The following UBE2U variants were observed in gnomAD, a reference collection of about 807,000 sequenced individuals.
UBE2U encodes the protein ubiquitin conjugating enzyme E2 U.
In UBE2U, 39 loss-of-function variants were observed where a neutral mutation model predicts 41.2. The observed-to-expected ratio is 0.95, with a 90% confidence interval of 0.73 to 1.24. UBE2U has a LOEUF of 1.24. Among genes scored for constraint, UBE2U ranks in the 50% most tolerant of loss-of-function variants. The pLI is 0.00. For missense variants in UBE2U, 336 were observed against 363.1 expected (o/e 0.93, Z 0.61); for synonymous variants, 107 against 117.8 (o/e 0.91, Z 0.60).
chr1:64,211,872 C>A, intron 4 of UBE2U, among the ~76,000 whole-genome samples: 1 of 152,112 alleles, frequency 6.6e-6, no homozygotes, highest in South Asian at 2.1e-4. Flanking sequence ...TACTTATCAC[C>A]AATAATATCT....
intron 3 of UBE2U, among the ~76,000 whole-genome samples, chr1:64,209,811 T>A (rs1412408666): frequency 1.3e-5 from 2 of 152,130 alleles, no homozygotes; most frequent in African/African-American, 2.4e-5. Context: ...CACCTTCCAA[T>A]TCTGGCCATT....
At chr1:64,228,208 G>A (rs935246355) in intron 6 of UBE2U, among the ~76,000 whole-genome samples, 2 of 152,044 alleles carry the variant, frequency 1.3e-5, no homozygotes, top group African/African-American at 4.8e-5. Flanking sequence ...GATCTTTTTA[G>A]GTCAAATTCG....
At chr1:64,208,603 C>CAAAAAAAAAAA (rs56972795) in intron 3 of UBE2U, among the ~76,000 whole-genome samples, 6 of 36,506 alleles carry the variant, frequency 1.6e-4, no homozygotes, top group African/African-American at 2.5e-4. Flanking sequence ...GACGCTGTCT[C>CAAAAAAAAAAA]AAAAAAAAAA....
intron 6 of UBE2U, among the ~76,000 whole-genome samples, chr1:64,223,326 C>T (rs1461110314): frequency 6.6e-6 from 1 of 152,128 alleles, no homozygotes; most frequent in Non-Finnish European, 1.5e-5. Context: ...GAAAGGGAGA[C>T]AGTGCAAGAA....
Position 64,203,800 on chromosome 1 carries a change from T to C in UBE2U, c.-251T>C. 2.6e-6 allele frequency: 1 copy of C among 385,442 alleles called. No homozygotes were observed. The highest frequency in any genetic ancestry group is 3.8e-5 in the East Asian group (1 of 26,082). 23.9% of individuals were successfully genotyped at this position (385,442 alleles called of 1,614,324 possible). ...ACTGGGCTGTGAGCCGGCACTGCAGTGAAACGCCGCAGATGAGGAAGTGCC... is the reference window on the plus strand; with the variant it reads ...ACTGGGCTGTGAGCCGGCACTGCAGCGAAACGCCGCAGATGAGGAAGTGCC... On this transcript the variant is annotated 5_prime_UTR_variant, in exon 1 of 10. Coordinates refer to ENST00000371077, the MANE Select transcript of UBE2U (RefSeq NM_001366232.2).
chr1:64,251,108 C>G (rs190372991), intron 8 of UBE2U, among the ~76,000 whole-genome samples: 14 of 151,062 alleles, frequency 9.3e-5, no homozygotes, highest in Admixed American at 6.6e-4. Context: ...CCCCGCCCCC[C>G]CAAAAAAAGA....
chr1:64,260,608 C>G lies in UBE2U; in HGVS notation c.683C>G (p.Ser228Cys). Reference sequence around the variant, plus strand: ...TTTTCTTTTTCTCTTTCTAGGTATTCCGTTATCAAGTGTTGGCTTGCTAGA... The same window carrying G: ...TTTTCTTTTTCTCTTTCTAGGTATTGCGTTATCAAGTGTTGGCTTGCTAGA... Reference protein sequence around the residue: ...QHQKEWNLKYSVIKCWLARKR... With the variant: ...QHQKEWNLKYCVIKCWLARKR... The change falls in exon 9 of 10, where the codon TCC (serine) becomes TGC (cysteine). Residue 228 changes from serine to cysteine, a missense_variant. Coordinates refer to ENST00000371077, the MANE Select transcript of UBE2U (RefSeq NM_001366232.2). 6.5e-7 allele frequency: 1 copy of G among 1,547,642 alleles called. No individual in the cohort carries two copies. Among genetic ancestry groups the G allele is most frequent in the Non-Finnish European group, 8.7e-7 (1 of 1,146,144 alleles).
intron 8 of UBE2U, among the ~76,000 whole-genome samples, chr1:64,256,530 A>G (rs1645094398): frequency 6.6e-6 from 1 of 152,190 alleles, no homozygotes; most frequent in Non-Finnish European, 1.5e-5. Flanking sequence ...AGAATTCCCT[A>G]TTTAATAAAT....
At chr1:64,239,168 A>AGAAGAAGAG (rs1644777426) in intron 7 of UBE2U, among the ~76,000 whole-genome samples, 23 of 72,322 alleles carry the variant, frequency 3.2e-4, no homozygotes, top group Middle Eastern at 7.5e-3. Flanking sequence ...AAGAAGAAGA[A>AGAAGAAGAG]GAAGAAGAAG....
chr1:64,239,098 A>AGAAGAAGAAGAAGAAG (rs1644740854), intron 7 of UBE2U, among the ~76,000 whole-genome samples: 1 of 26,106 alleles, frequency 3.8e-5, no homozygotes, highest in African/African-American at 1.4e-4. Flanking sequence ...AAGAGGAAGA[A>AGAAGAAGAAGAAGAAG]GAAGAAGAAG....
intron 7 of UBE2U, among the ~76,000 whole-genome samples, chr1:64,238,883 A>G (rs1644721096): frequency 6.6e-6 from 1 of 151,668 alleles, no homozygotes; most frequent in African/African-American, 2.4e-5. Flanking sequence ...CTCTACGAAA[A>G]AGTTAAAAAT....
intron 6 of UBE2U, among the ~76,000 whole-genome samples, chr1:64,229,356 G>A (rs756832289): frequency 3.9e-5 from 6 of 152,110 alleles, no homozygotes; most frequent in Non-Finnish European, 8.8e-5. Flanking sequence ...GAAATGATGA[G>A]GTACTTATCA....
chr1:64,253,128 C>A (rs534551864), intron 8 of UBE2U, among the ~76,000 whole-genome samples: 1 of 152,176 alleles, frequency 6.6e-6, no homozygotes, highest in Non-Finnish European at 1.5e-5. Flanking sequence ...TCACAAGTAT[C>A]AATAGCAGAA....
At chr1:64,244,945 T>C (rs1195668347) in intron 8 of UBE2U, among the ~76,000 whole-genome samples, 1 of 152,166 alleles carries the variant, frequency 6.6e-6, no homozygotes, top group Admixed American at 6.5e-5. Context: ...TTTAGAAAAA[T>C]AAAATTGAGT....
intron 8 of UBE2U, chr1:64,244,213 T>C (rs892159625): frequency 8.9e-6 from 14 of 1,576,268 alleles, no homozygotes; most frequent in Non-Finnish European, 1.1e-5. Flanking sequence ...TCTTAACCAC[T>C]CTGAACTTGT....
chr1:64,245,816 A>G (rs1461663209), intron 8 of UBE2U, among the ~76,000 whole-genome samples: 2 of 152,034 alleles, frequency 1.3e-5, no homozygotes, highest in Non-Finnish European at 2.9e-5. Flanking sequence ...CCTAAGACCC[A>G]TCCCCCAACC....
chr1:64,236,377 A>T (rs1465907335), intron 7 of UBE2U, among the ~76,000 whole-genome samples: 20 of 152,118 alleles, frequency 1.3e-4, no homozygotes, highest in Non-Finnish European at 4.4e-5. Context: ...TATGTATGAG[A>T]TTTAAATTCA....
chr1:64,212,673 A>G (rs1030518064), intron 4 of UBE2U, among the ~76,000 whole-genome samples: 1 of 152,204 alleles, frequency 6.6e-6, no homozygotes, highest in Non-Finnish European at 1.5e-5. Context: ...TGCATTACAT[A>G]TACTTACCAT....
At chr1:64,219,439 G>A (rs962946346) in intron 5 of UBE2U, among the ~76,000 whole-genome samples, 5 of 151,814 alleles carry the variant, frequency 3.3e-5, no homozygotes, top group African/African-American at 1.2e-4. Flanking sequence ...CATTTGATAA[G>A]CTATTGAAAT....
Sources: allele counts gnomAD v4.1 joint callset (sites outside exome capture counted in the v4.1 genomes callset), GRCh38; gene constraint gnomAD v4.1.1; transcripts MANE v1.5; gene names NCBI Gene and HGNC (gene_info 2026-07-23, HGNC 2026-07-21).